Variants in ADGRA3 observed in about 807,000 individuals in gnomAD.
The protein encoded by ADGRA3 is G-protein coupled receptor 125.
In ADGRA3, 56 loss-of-function variants were observed where a neutral mutation model predicts 119.8. That is an observed-to-expected ratio of 0.47 (90% CI 0.38 to 0.58). ADGRA3 has a LOEUF of 0.58. Among genes scored for constraint, ADGRA3 ranks in the 20% least tolerant of loss-of-function variants. The pLI is 0.00. For missense variants in ADGRA3, 1,516 were observed against 1,649.0 expected (o/e 0.92, Z 1.40); for synonymous variants, 607 against 623.8 (o/e 0.97, Z 0.40).
At chr4:22,424,706 T>G (rs1425124879) in intron 10 of ADGRA3, among the ~76,000 whole-genome samples, 1 of 152,182 alleles carries the variant, frequency 6.6e-6, no homozygotes, top group Non-Finnish European at 1.5e-5. Context: ...TGACTGTTCA[T>G]CTAGAAAACC....
At chr4:22,435,204 A>G in intron 10 of ADGRA3, 107 bp downstream of exon 10, 1 of 939,338 alleles carries the variant, frequency 1.1e-6, no homozygotes, top group Admixed American at 2.2e-5. Flanking sequence ...GCATGCTTTT[A>G]GCTCAAATAT....
chr4:22,447,447 G>T lies in ADGRA3; in HGVS notation c.538C>A (p.Arg180=). 1 of 1,541,570 alleles carries T rather than the reference G, an allele frequency of 6.5e-7. No individual in the cohort carries two copies. The highest frequency in any genetic ancestry group is 8.8e-7 in the Non-Finnish European group (1 of 1,142,174). The stretch of plus-strand genomic sequence containing the variant: ...AAAAAAATTCTTACTTACAAAGACC[G>T]TAATGACGCAAGATAATCAAAAGTT... ...QGTFDYLASL[R]SLEFQTEYLL... The change falls in exon 5 of 19, where the codon CGG becomes AGG. Residue 180 remains arginine, a synonymous_variant. Transcript: ENST00000334304.
intron 14 of ADGRA3, among the ~76,000 whole-genome samples, chr4:22,406,892 T>C (rs1714956957): frequency 6.6e-6 from 1 of 152,096 alleles, no homozygotes; most frequent in South Asian, 2.1e-4. Context: ...AAAGCCATTA[T>C]TAGCTTTCCC....
chr4:22,415,808 T>C (rs977156460), intron 12 of ADGRA3, among the ~76,000 whole-genome samples: 10 of 152,022 alleles, frequency 6.6e-5, no homozygotes, highest in Non-Finnish European at 4.4e-5. Context: ...AAAGGTCTCC[T>C]ACACAAGTTT....
intron 5 of ADGRA3, 48 bp from the exon 6 acceptor site, chr4:22,445,181 TA>T (rs1471177540): frequency 6.4e-7 from 1 of 1,557,814 alleles, no homozygotes; most frequent in Admixed American, 1.7e-5. Context: ...TAAAATTAAA[TA>T]GCACTTTTGT....
chr4:22,493,646 A>G (rs1394273707), intron 1 of ADGRA3, among the ~76,000 whole-genome samples: 1 of 152,164 alleles, frequency 6.6e-6, no homozygotes, highest in Admixed American at 6.5e-5. Flanking sequence ...GGGGCCTAGC[A>G]ATCTGTTTTA....
intron 1 of ADGRA3, chr4:22,515,289 A>T (rs951585104): frequency 5.5e-6 from 2 of 360,416 alleles, no homozygotes; most frequent in Non-Finnish European, 4.9e-6. Context: ...GGAGCGCCTG[A>T]GAACCCGAAA....
In ADGRA3 at chr4:22,413,822, A is replaced by T; in HGVS notation, c.1810-8T>A. 3 of 1,577,764 alleles carry T rather than the reference A, an allele frequency of 1.9e-6. No homozygotes were observed. The highest frequency in any genetic ancestry group is 2.6e-6 in the Non-Finnish European group (3 of 1,159,876). On this transcript the variant is annotated splice_polypyrimidine_tract_variant and splice_region_variant and intron_variant, in intron 12 of 18. Coordinates refer to ENST00000334304, the MANE Select transcript of ADGRA3 (RefSeq NM_145290.4). ...AGCCTCCACAATAGTATTCTGAAAA[A>T]ATATATATACATAAAAAAAGCTCAC...
At chr4:22,480,905 C>A (rs1054568424) in intron 1 of ADGRA3, among the ~76,000 whole-genome samples, 3 of 151,888 alleles carry the variant, frequency 2.0e-5, no homozygotes, top group Non-Finnish European at 4.4e-5. Context: ...CTCTTTGAGG[C>A]CCTAGTATGC....
At chr4:22,474,454 A>T (rs190315625) in intron 1 of ADGRA3, among the ~76,000 whole-genome samples, 111 of 152,278 alleles carry the variant, frequency 7.3e-4, no homozygotes, top group South Asian at 4.1e-4. Context: ...ACAAAAACTG[A>T]CTCAAAGAAG....
chr4:22,435,245 G>T, intron 10 of ADGRA3, 66 bp downstream of exon 10: 1 of 1,325,118 alleles, frequency 7.5e-7, no homozygotes, highest in Non-Finnish European at 1.1e-6. Context: ...AAAATACATA[G>T]ATTGAACTCT....
chr4:22,419,757 TTTTTG>T (rs1170216243), intron 12 of ADGRA3, among the ~76,000 whole-genome samples: 4 of 151,306 alleles, frequency 2.6e-5, no homozygotes, highest in Admixed American at 2.0e-4. Flanking sequence ...GTTTGTGGTT[TTTTTG>T]TTTTGTTTTG....
intron 1 of ADGRA3, among the ~76,000 whole-genome samples, chr4:22,495,781 C>T (rs1272757940): frequency 1.3e-5 from 2 of 152,150 alleles, no homozygotes; most frequent in Admixed American, 1.3e-4. Flanking sequence ...TGGTGGCCGG[C>T]ACCTGTAGTC....
intron 1 of ADGRA3, among the ~76,000 whole-genome samples, chr4:22,479,479 AAAG>A (rs1475982793): frequency 4.6e-5 from 7 of 151,892 alleles, no homozygotes; most frequent in East Asian, 1.9e-4. Flanking sequence ...AAAAAAAAAA[AAAG>A]AAGTCAGGAA....
At chr4:22,389,234 TG>T (rs777158713) in intron 17 of ADGRA3, 51 bp from the exon 18 acceptor site, 34 of 1,182,402 alleles carry the variant, frequency 2.9e-5, no homozygotes, top group Non-Finnish European at 4.1e-5. Flanking sequence ...TTTCTTAACA[TG>T]TATCTCTCAT....
intron 14 of ADGRA3, among the ~76,000 whole-genome samples, chr4:22,409,685 CT>C (rs1157537462): frequency 1.3e-5 from 2 of 152,158 alleles, no homozygotes; most frequent in Non-Finnish European, 2.9e-5. Context: ...TCACCATCCT[CT>C]TCTTTAAGAT....
chr4:22,459,150 TA>T (rs148192230), intron 3 of ADGRA3, among the ~76,000 whole-genome samples: 12,766 of 151,508 alleles, frequency 0.084, 622 homozygotes, highest in South Asian at 0.11. Context: ...GCAAAAGCAA[TA>T]AAAAAAAATC....
intron 2 of ADGRA3, among the ~76,000 whole-genome samples, chr4:22,471,108 T>G (rs1042091007): frequency 6.6e-6 from 1 of 152,312 alleles, no homozygotes; most frequent in East Asian, 1.9e-4. Context: ...GAATAAAGTC[T>G]GCTCCTCCAG....
intron 1 of ADGRA3, among the ~76,000 whole-genome samples, chr4:22,500,630 A>G: frequency 6.6e-6 from 1 of 152,226 alleles, no homozygotes; most frequent in East Asian, 1.9e-4. Context: ...CCTTTAAAAA[A>G]GCAAGACAAT....
Sources: allele counts gnomAD v4.1 joint callset (sites outside exome capture counted in the v4.1 genomes callset), GRCh38; gene constraint gnomAD v4.1.1; transcripts MANE v1.5; gene names NCBI Gene and HGNC (gene_info 2026-07-23, HGNC 2026-07-21).